The following BACH2 variants were observed in gnomAD, a reference collection of about 807,000 sequenced individuals.
The protein encoded by BACH2 is transcription regulator protein BACH2.
BACH2 carries 5 observed loss-of-function variants against 61.8 expected under a neutral mutation model. The ratio of observed to expected loss-of-function variants is 0.08; its 90% confidence interval spans 0.04 to 0.17. BACH2 has a LOEUF of 0.17. BACH2 is among the 10% of genes least tolerant of loss of function. The pLI, the probability that BACH2 is intolerant of heterozygous loss-of-function variation, is 1.00. For synonymous variants in BACH2, 446 were observed against 440.1 expected (o/e 1.01, Z -0.17); for missense variants, 824 against 1,091.1 (o/e 0.76, Z 3.45).
intron 6 of BACH2, among the ~76,000 whole-genome samples, chr6:90,007,921 T>C (rs1413334948): frequency 2.6e-5 from 4 of 152,184 alleles, no homozygotes; most frequent in African/African-American, 4.8e-5. Flanking sequence ...AGTGTATATA[T>C]GGTTCAAAGG....
chr6:89,941,870 T>C (rs944683005), intron 7 of BACH2, among the ~76,000 whole-genome samples: 8 of 152,184 alleles, frequency 5.3e-5, no homozygotes, highest in African/African-American at 1.9e-4. Flanking sequence ...GCTACTGTAT[T>C]TAAATCATCC....
chr6:90,271,519 C>T (rs1246881069), intron 2 of BACH2, among the ~76,000 whole-genome samples: 2 of 151,894 alleles, frequency 1.3e-5, no homozygotes, highest in African/African-American at 4.8e-5. Flanking sequence ...TGTGGTTTTT[C>T]TCATGTTTAT....
intron 4 of BACH2, among the ~76,000 whole-genome samples, chr6:90,100,740 C>T (rs1161972807): frequency 1.3e-5 from 2 of 151,512 alleles, no homozygotes; most frequent in East Asian, 3.9e-4. Context: ...CACACACACA[C>T]ACACACACAC....
At chr6:90,259,917 A>T in intron 2 of BACH2, among the ~76,000 whole-genome samples, 1 of 151,042 alleles carries the variant, frequency 6.6e-6, no homozygotes, top group African/African-American at 2.4e-5. Context: ...TAATTTCTTC[A>T]ATTTCATTTT....
chr6:89,947,930 A>G (rs188636982), intron 7 of BACH2, among the ~76,000 whole-genome samples: 65 of 152,206 alleles, frequency 4.3e-4, no homozygotes, highest in African/African-American at 1.5e-3. Flanking sequence ...GTATTTCTCA[A>G]GGGGGGAAGG....
rs143461778 is a variant in BACH2 at position 90,060,072 on chromosome 6, G to T, written c.-13+28889C>A. ...GCACACCAACATGGCACATGTATACGTATGTAACGAAGCTGCACGTCGTGC... is the reference window on the plus strand; with the variant it reads ...GCACACCAACATGGCACATGTATACTTATGTAACGAAGCTGCACGTCGTGC... On this transcript the variant is annotated intron_variant, in intron 5 of 8. Coordinates refer to ENST00000257749, the MANE Select transcript of BACH2 (RefSeq NM_021813.4). Among the ~76,000 whole-genome samples the T allele has an allele frequency of 3.8e-3, 576 of 150,922 alleles. 3 individuals are homozygous for T. Among genetic ancestry groups the T allele is most frequent in the African/African-American group, 0.014 (563 of 41,040 alleles).
At chr6:90,007,409 C>A (rs1777467139) in intron 6 of BACH2, among the ~76,000 whole-genome samples, 3 of 152,070 alleles carry the variant, frequency 2.0e-5, no homozygotes, top group Non-Finnish European at 4.4e-5. Context: ...TCAAGGGATC[C>A]TCCTGTGTCA....
chr6:90,291,638 T>A (rs180708767), intron 1 of BACH2, among the ~76,000 whole-genome samples: 48 of 151,588 alleles, frequency 3.2e-4, no homozygotes, highest in Admixed American at 3.1e-3. Flanking sequence ...GAAAGTTGAG[T>A]TGTATTTTGG....
At chr6:90,196,273 T>C (rs1364476755) in intron 4 of BACH2, among the ~76,000 whole-genome samples, 1 of 152,240 alleles carries the variant, frequency 6.6e-6, no homozygotes, top group East Asian at 1.9e-4. Flanking sequence ...CCATAGGTTT[T>C]GTTTCAACAG....
chr6:90,123,719 G>A (rs1466136858), intron 4 of BACH2, among the ~76,000 whole-genome samples: 1 of 127,568 alleles, frequency 7.8e-6, no homozygotes, highest in Admixed American at 8.9e-5. Flanking sequence ...GCAGTGAGCC[G>A]AGATCCCGCC....
At chr6:90,148,584 T>C (rs1025875380) in intron 4 of BACH2, among the ~76,000 whole-genome samples, 5 of 152,132 alleles carry the variant, frequency 3.3e-5, no homozygotes, top group African/African-American at 9.7e-5. Context: ...CTTGAAATGA[T>C]GCTCTAGAGG....
At chr6:89,992,294 T>C (rs947685813) in intron 6 of BACH2, among the ~76,000 whole-genome samples, 7 of 152,198 alleles carry the variant, frequency 4.6e-5, no homozygotes, top group Non-Finnish European at 5.9e-5. Context: ...CCATATATAG[T>C]GTACATATCC....
At chr6:90,069,000 C>T (rs1204232876) in intron 5 of BACH2, among the ~76,000 whole-genome samples, 1 of 152,130 alleles carries the variant, frequency 6.6e-6, no homozygotes. Flanking sequence ...GATTATTTTG[C>T]CTTCCTTCCT....
chr6:90,016,064 A>G (rs1286142482), intron 5 of BACH2, among the ~76,000 whole-genome samples: 1 of 152,138 alleles, frequency 6.6e-6, no homozygotes, highest in Non-Finnish European at 1.5e-5. Context: ...ACTTTGTCTC[A>G]TATTAACATG....
At chr6:90,027,743 CTG>C (rs1183990002) in intron 5 of BACH2, among the ~76,000 whole-genome samples, 1 of 152,178 alleles carries the variant, frequency 6.6e-6, no homozygotes, top group East Asian at 1.9e-4. Context: ...CATTGTTAGA[CTG>C]TGTAATCCTT....
At chr6:90,200,966 T>A (rs1768937397) in intron 4 of BACH2, among the ~76,000 whole-genome samples, 1 of 152,300 alleles carries the variant, frequency 6.6e-6, no homozygotes, top group African/African-American at 2.4e-5. Flanking sequence ...TCTGTGTGCA[T>A]ACTGTACCTT....
intron 1 of BACH2, among the ~76,000 whole-genome samples, chr6:90,280,733 T>TG (rs2127886442): frequency 6.6e-6 from 1 of 152,286 alleles, no homozygotes; most frequent in Non-Finnish European, 1.5e-5. Flanking sequence ...GACCAGGCAG[T>TG]GGGTATTGTG....
chr6:90,082,363 G>T (rs553261166), intron 5 of BACH2, among the ~76,000 whole-genome samples: 14 of 152,066 alleles, frequency 9.2e-5, no homozygotes, highest in Non-Finnish European at 1.8e-4. Context: ...AATACTGGTT[G>T]ACAGGAATTT....
intron 4 of BACH2, among the ~76,000 whole-genome samples, chr6:90,180,936 T>C (rs538884757): frequency 6.6e-6 from 1 of 152,164 alleles, no homozygotes; most frequent in Admixed American, 6.5e-5. Context: ...GGCACTTAGG[T>C]TGAACCCGTA....
Sources: allele counts gnomAD v4.1 joint callset (sites outside exome capture counted in the v4.1 genomes callset), GRCh38; gene constraint gnomAD v4.1.1; transcripts MANE v1.5; gene names NCBI Gene and HGNC (gene_info 2026-07-23, HGNC 2026-07-21).